Variants in FLT1 observed in about 807,000 individuals in gnomAD.
FLT1 encodes the protein fms related receptor tyrosine kinase 1.
FLT1 carries 49 observed loss-of-function variants against 156.3 expected under a neutral mutation model. That is an observed-to-expected ratio of 0.31 (90% CI 0.25 to 0.40). FLT1 has a LOEUF of 0.40. Among genes scored for constraint, FLT1 ranks in the 10% least tolerant of loss-of-function variants. FLT1 has a pLI of 1.00. For synonymous variants in FLT1, 594 were observed against 583.8 expected, an observed-to-expected ratio of 1.02 and a Z score of -0.25; for missense variants, 1,322 against 1,637.2, an observed-to-expected ratio of 0.81 and a Z score of 3.32.
chr13:28,323,779 G>A (rs925383419), intron 20 of FLT1, among the ~76,000 whole-genome samples: 3 of 152,268 alleles, frequency 2.0e-5, no homozygotes, highest in East Asian at 1.9e-4. Flanking sequence ...AGGATCCTCA[G>A]TGTGCTTGGT....
chr13:28,463,796 G>A (rs1158642107), intron 3 of FLT1, among the ~76,000 whole-genome samples: 1 of 152,154 alleles, frequency 6.6e-6, no homozygotes, highest in Admixed American at 6.5e-5. Flanking sequence ...TTCTCAGAAA[G>A]AGAGTTAATA....
At chr13:28,359,967 G>A (rs567971348) in intron 14 of FLT1, among the ~76,000 whole-genome samples, 61 of 152,122 alleles carry the variant, frequency 4.0e-4, no homozygotes, top group Admixed American at 1.2e-3. Flanking sequence ...AAAAATTAGC[G>A]GGGTGTGGTG....
intron 1 of FLT1, among the ~76,000 whole-genome samples, chr13:28,473,592 C>T (rs1880297779): frequency 6.7e-6 from 1 of 149,312 alleles, no homozygotes; most frequent in South Asian, 2.1e-4. Context: ...TTGCAGTGAG[C>T]CAAGACTGCG....
At chr13:28,374,912 C>T (rs1873778966) in intron 14 of FLT1, among the ~76,000 whole-genome samples, 1 of 152,088 alleles carries the variant, frequency 6.6e-6, no homozygotes, top group Admixed American at 6.6e-5. Flanking sequence ...ACCACCACCA[C>T]TAAACTTAAA....
At chr13:28,379,754 GAATTTACTACTCAGCTTTTATAA>G (rs1565993979) in intron 14 of FLT1, among the ~76,000 whole-genome samples, 1 of 152,202 alleles carries the variant, frequency 6.6e-6, no homozygotes, top group African/African-American at 2.4e-5. Flanking sequence ...TTTGGCTCAA[GAATTTACTACTCAGCTTTTATAA>G]CACTTTCTTA....
intron 4 of FLT1, among the ~76,000 whole-genome samples, chr13:28,436,823 A>G (rs1269214516): frequency 1.3e-5 from 2 of 152,132 alleles, no homozygotes; most frequent in African/African-American, 4.8e-5. Flanking sequence ...ATATCACCTG[A>G]CTTAAGTTTT....
chr13:28,479,344 G>A (rs1250986614), intron 1 of FLT1, among the ~76,000 whole-genome samples: 1 of 152,170 alleles, frequency 6.6e-6, no homozygotes, highest in Admixed American at 6.6e-5. Context: ...AAATATAATT[G>A]CCTTTCATTA....
chr13:28,431,210 T>C lies in FLT1; in HGVS notation c.914A>G (p.Asp305Gly), dbSNP rs763633999. ...VLTIDKMQNK[D>G]KGLYTCRVRS... Reference sequence around the variant, plus strand: ...TACACGACAAGTATAAAGTCCTTTGTCTTTGTTCTGCATTTTGTCAATAGT... The same window carrying C: ...TACACGACAAGTATAAAGTCCTTTGCCTTTGTTCTGCATTTTGTCAATAGT... Residue 305 changes from aspartate (D) to glycine (G), a missense_variant, in exon 7 of 30, where the codon GAC (aspartate) becomes GGC (glycine). By Grantham distance (94) the Asp-to-Gly change is moderately conservative. Around this residue, in one of 3 missense-constraint regions of FLT1, gnomAD observed 991 missense variants for 1,254.8 expected, o/e 0.79. Transcript: ENST00000282397. 1.2e-6 allele frequency: 2 copies of C among 1,613,742 alleles called. No homozygotes were observed. The highest frequency in any genetic ancestry group is 2.2e-5 in the South Asian group (2 of 91,070).
rs116539739 is a variant in FLT1 at position 28,373,559 on chromosome 13, G to A, written c.2116+11326C>T. On this transcript the variant is annotated intron_variant, in intron 14 of 29. Coordinates refer to ENST00000282397, the MANE Select transcript of FLT1 (RefSeq NM_002019.4). ...GTCTGAAGTTTATGCTTGAGGGGAG[G>A]AGAGATTTCCATGCAGATTCTAGAC... Among the ~76,000 whole-genome samples, 837 of 152,274 alleles carry A rather than the reference G, an allele frequency of 5.5e-3. 6 individuals are homozygous for A. Among genetic ancestry groups the A allele is most frequent in the African/African-American group, 0.019 (807 of 41,540 alleles).
At chr13:28,389,363 A>T (rs998726284) in intron 13 of FLT1, 14 of 1,256,422 alleles carry the variant, frequency 1.1e-5, no homozygotes, top group African/African-American at 1.5e-5. Flanking sequence ...CAGTTTGTGC[A>T]GCTTCAACAC....
chr13:28,474,927 T>A (rs945291412), intron 1 of FLT1, among the ~76,000 whole-genome samples: 3 of 152,224 alleles, frequency 2.0e-5, no homozygotes, highest in Non-Finnish European at 4.4e-5. Flanking sequence ...CACAGAGTTA[T>A]GTTGAAGGCC....
At position 28,485,956 on chromosome 13, in the gene FLT1, C is replaced by A. The variant is rs150834592; in HGVS notation, c.64+8824G>T. Among the ~76,000 whole-genome samples, 885 of 152,308 alleles carry A rather than the reference C, an allele frequency of 5.8e-3. 4 individuals carry two copies. The highest frequency in any genetic ancestry group is 9.6e-3 in the Non-Finnish European group (652 of 68,030). ...AGGGAAACTACTCAGCTGAGCCTAG[C>A]CCAAAGGTCTAGAAGAATCATGAAG... On this transcript the variant is annotated intron_variant, in intron 1 of 29. Transcript: ENST00000282397.
At chr13:28,398,239 G>A (rs557575781) in intron 11 of FLT1, among the ~76,000 whole-genome samples, 2 of 152,288 alleles carry the variant, frequency 1.3e-5, no homozygotes, top group Non-Finnish European at 1.5e-5. Flanking sequence ...CTGGTTATGG[G>A]CTTTGAAATT....
At position 28,427,766 on chromosome 13, in the gene FLT1, G is replaced by A. The variant is rs764593284; in HGVS notation, c.1262C>T (p.Thr421Ile). ...QSNVFKNLTA[T>I]LIVNVKPQIY... ...AGCAAACTTACCATTGACAATTAGA[G>A]TGGCAGTGAGGTTTTTAAACACATT... The change falls in exon 9 of 30, where the codon ACT becomes ATT. Residue 421 changes from threonine to isoleucine, a missense_variant. Physicochemically the swap from Thr to Ile is moderately conservative, Grantham distance 89 (BLOSUM62 -1). This residue lies in a region of FLT1 where 991 missense variants were observed against 1,254.8 expected (regional missense o/e 0.79). Transcript: ENST00000282397. 3 of 1,613,802 alleles carry A rather than the reference G, an allele frequency of 1.9e-6. 1 individual carries two copies. The South Asian group carries it at 3.3e-5, about 18-fold the overall frequency.
At position 28,459,332 on chromosome 13, in the gene FLT1, G is replaced by T. The variant is rs17552097; in HGVS notation, c.388+7571C>A. ...ACTTGTGGCCTCCTGGTAATGCAGG[G>T]ACTCAAGCGACTCTATGGTGGGAAC... On this transcript the variant is annotated intron_variant, in intron 3 of 29. Transcript: ENST00000282397. Among the ~76,000 whole-genome samples, 925 of 151,720 alleles carry T rather than the reference G, an allele frequency of 6.1e-3. 3 individuals are homozygous for T. Among genetic ancestry groups the T allele is most frequent in the Middle Eastern group, 0.031 (9 of 294 alleles).
chr13:28,427,086 C>A (rs537566673), intron 10 of FLT1, 73 bp downstream of exon 10: 3 of 1,339,592 alleles, frequency 2.2e-6, no homozygotes, highest in Admixed American at 1.7e-5. Flanking sequence ...TTCCCATCTG[C>A]GTCCATTAAA....
At position 28,472,538 on chromosome 13, in the gene FLT1, G is replaced by A. The variant is rs558223297; in HGVS notation, c.65-4921C>T. On this transcript the variant is annotated intron_variant, in intron 1 of 29. Coordinates refer to ENST00000282397, the MANE Select transcript of FLT1 (RefSeq NM_002019.4). ...TAAATAAACAGTGTTCTAGCTGGTC[G>A]AACCCAACTTCAAGACAAATCCCCT... 1.1e-3 allele frequency among the ~76,000 whole-genome samples: 163 copies of A among 152,282 alleles called. 1 individual carries two copies. The highest frequency in any genetic ancestry group is 1.8e-3 in the Non-Finnish European group (122 of 68,024).
intron 12 of FLT1, among the ~76,000 whole-genome samples, chr13:28,394,504 A>G (rs991040388): frequency 5.9e-5 from 9 of 152,128 alleles, no homozygotes; most frequent in African/African-American, 2.2e-4. Context: ...CAACAACACC[A>G]TGGGTAGAAA....
At chr13:28,350,312 G>GT (rs1872699660) in intron 15 of FLT1, among the ~76,000 whole-genome samples, 1 of 152,166 alleles carries the variant, frequency 6.6e-6, no homozygotes, top group Non-Finnish European at 1.5e-5. Flanking sequence ...TATGTTAACT[G>GT]TATCTATGAC....
Sources: allele counts gnomAD v4.1 joint callset (sites outside exome capture counted in the v4.1 genomes callset), GRCh38; gene constraint gnomAD v4.1.1; regional missense constraint gnomAD v4.1.1; transcripts MANE v1.5; gene names NCBI Gene and HGNC (gene_info 2026-07-23, HGNC 2026-07-21).